The following ST3GAL1 variants were observed in gnomAD, a reference collection of about 807,000 sequenced individuals.
The protein encoded by ST3GAL1 is ST3 beta-galactoside alpha-2,3-sialyltransferase 1, also known as CMP-N-acetylneuraminate-beta-galactosamide-alpha-2,3-sialyltransferase 1.
A neutral mutation model predicts 34.1 loss-of-function variants in ST3GAL1; 16 were observed. That is an observed-to-expected ratio of 0.47 (90% CI 0.32 to 0.71). The LOEUF (loss-of-function observed/expected upper bound fraction) is 0.71, where lower values mean the gene tolerates loss of function less well. Among genes scored for constraint, ST3GAL1 ranks in the 30% least tolerant of loss-of-function variants. The probability of loss-of-function intolerance (pLI) is 0.04; values close to 1 mark genes in which losing one functional copy is unlikely to be tolerated. For synonymous variants in ST3GAL1, 191 were observed against 184.7 expected (o/e 1.03, Z -0.28); for missense variants, 353 against 447.4 (o/e 0.79, Z 1.90).
At chr8:133,498,485 G>C (rs1430481703) in intron 3 of ST3GAL1, among the ~76,000 whole-genome samples, 2 of 152,070 alleles carry the variant, frequency 1.3e-5, no homozygotes, top group African/African-American at 4.8e-5. Flanking sequence ...CCTCAGATCT[G>C]TCAACCTCGT....
rs574174406 is a variant in ST3GAL1 at position 133,537,737 on chromosome 8, C to T, written c.-429+8037G>A. 2.6e-5 allele frequency among the ~76,000 whole-genome samples: 4 copies of T among 152,264 alleles called. No individual in the cohort carries two copies. The South Asian group carries it at 8.3e-4, about 32-fold the overall frequency. On this transcript the variant is annotated intron_variant, in intron 2 of 9. Coordinates refer to ENST00000522652, the MANE Select transcript of ST3GAL1 (RefSeq NM_173344.3). ...GCCCCACTGAATCAAGAAAACAAGG[C>T]CCTGCATGAATGAAGGTCACGAGGC...
intron 3 of ST3GAL1, among the ~76,000 whole-genome samples, chr8:133,484,988 T>C (rs1014632146): frequency 1.3e-5 from 2 of 152,244 alleles, no homozygotes; most frequent in Non-Finnish European, 2.9e-5. Context: ...CGAATAAGGC[T>C]AGAAGCTAGA....
At position 133,461,833 on chromosome 8, in the gene ST3GAL1, G is replaced by A. The variant is rs1273610639; in HGVS notation, c.849+42C>T. Reference sequence around the variant, plus strand: ...GCCTCTCTTGGGAACACAGGACGGTGAGCTTCGAGGCAGCCCTGTGGGCAG... The same window carrying A: ...GCCTCTCTTGGGAACACAGGACGGTAAGCTTCGAGGCAGCCCTGTGGGCAG... On this transcript the variant is annotated intron_variant, in intron 9 of 9. Transcript: ENST00000522652. The surrounding 1 kb of genome is among the most constrained non-coding windows in gnomAD (Gnocchi z 4.7). The A allele has an allele frequency of 3.7e-6, 6 of 1,612,316 alleles. No homozygotes were observed. Among genetic ancestry groups the A allele is most frequent in the Non-Finnish European group, 5.1e-6 (6 of 1,178,946 alleles).
chr8:133,499,780 AC>A (rs1231417646), intron 2 of ST3GAL1, among the ~76,000 whole-genome samples: 2 of 152,192 alleles, frequency 1.3e-5, no homozygotes, highest in Non-Finnish European at 2.9e-5. Flanking sequence ...AGCTCGGCGT[AC>A]TAAGGGGAGC....
intron 3 of ST3GAL1, among the ~76,000 whole-genome samples, chr8:133,491,725 C>A (rs1432506239): frequency 6.6e-6 from 1 of 152,188 alleles, no homozygotes; most frequent in African/African-American, 2.4e-5. Context: ...ATGCAGCACC[C>A]TCCAGGGTTC....
At chr8:133,564,379 T>TGGAAAC (rs1819330001) in intron 1 of ST3GAL1, among the ~76,000 whole-genome samples, 1 of 152,226 alleles carries the variant, frequency 6.6e-6, no homozygotes, top group Non-Finnish European at 1.5e-5. Flanking sequence ...CCTCCTCTGC[T>TGGAAAC]CAGCTCACTG....
intron 2 of ST3GAL1, 38 bp from the exon 3 acceptor site, chr8:133,499,227 G>A (rs1287878427): frequency 2.6e-5 from 4 of 152,318 alleles, no homozygotes; most frequent in African/African-American, 9.7e-5. Flanking sequence ...GACTTAGCAT[G>A]GGGAGAGGGC....
At chr8:133,561,707 C>G (rs1259598614) in intron 1 of ST3GAL1, among the ~76,000 whole-genome samples, 1 of 152,096 alleles carries the variant, frequency 6.6e-6, no homozygotes, top group African/African-American at 2.4e-5. Flanking sequence ...GAGGTGGAGG[C>G]AGTAAGGTAC....
At chr8:133,537,696 C>T (rs1031756532) in intron 2 of ST3GAL1, among the ~76,000 whole-genome samples, 1 of 152,168 alleles carries the variant, frequency 6.6e-6, no homozygotes, top group Admixed American at 6.5e-5. Flanking sequence ...TCCATCTCCC[C>T]TGGGGGCCGG....
At position 133,464,881 on chromosome 8, in the gene ST3GAL1, T is replaced by C; in HGVS notation, c.580A>G (p.Ser194Gly). 1.9e-6 allele frequency: 3 copies of C among 1,614,088 alleles called. No individual in the cohort carries two copies. The highest frequency in any genetic ancestry group is 2.5e-6 in the Non-Finnish European group (3 of 1,180,002). Residue 194 changes from serine to glycine, a missense_variant, in exon 7 of 10, where the codon AGC becomes GGC. Transcript: ENST00000522652. ...KTTHHLVYPE[S>G]FRELGDNVSM... Reference sequence around the variant, plus strand: ...ACATTATCTCCCAGCTCCCGGAAGCTCTCAGGGTACACCAGATGGTGGGTG... The same window carrying C: ...ACATTATCTCCCAGCTCCCGGAAGCCCTCAGGGTACACCAGATGGTGGGTG...
chr8:133,479,038 A>G (rs1033260415), intron 3 of ST3GAL1, among the ~76,000 whole-genome samples: 3 of 152,198 alleles, frequency 2.0e-5, no homozygotes, highest in Non-Finnish European at 2.9e-5. Context: ...TCACTGCGTG[A>G]CCATGAACAA....
chr8:133,529,442 T>C (rs1333849884), intron 2 of ST3GAL1, among the ~76,000 whole-genome samples: 1 of 151,812 alleles, frequency 6.6e-6, no homozygotes, highest in African/African-American at 2.4e-5. Flanking sequence ...GGATGGAAAA[T>C]TGAGAGGCCC....
intron 2 of ST3GAL1, among the ~76,000 whole-genome samples, chr8:133,502,987 A>T (rs1817230608): frequency 6.6e-6 from 1 of 152,150 alleles, no homozygotes; most frequent in Admixed American, 6.5e-5. Flanking sequence ...GAAAGCTGAA[A>T]TCTGACTAAG....
chr8:133,459,177 G>A lies in ST3GAL1; in HGVS notation c.*587C>T, dbSNP rs1815405045. 1 of 152,250 alleles carries A rather than the reference G, an allele frequency of 6.6e-6. No homozygotes were observed. Among genetic ancestry groups the A allele is most frequent in the Non-Finnish European group, 1.5e-5 (1 of 68,132 alleles). The allele number at this position is 152,250 out of a possible 1,614,324, so 9.4% of individuals were successfully genotyped here. A position where few individuals can be genotyped will look rare whatever the true frequency, so the allele number is the denominator to read the frequency against. On this transcript the variant is annotated 3_prime_UTR_variant, in exon 10 of 10. Transcript: ENST00000522652. The surrounding 1 kb of genome is among the most constrained non-coding windows in gnomAD (Gnocchi z 4.7). ...CCCAAAGTGTTCAGATTACAGGTGTGAGCCACGGCACCTGGCCTCAAGTTT... is the reference window on the plus strand; with the variant it reads ...CCCAAAGTGTTCAGATTACAGGTGTAAGCCACGGCACCTGGCCTCAAGTTT...
chr8:133,501,108 G>A (rs950201410), intron 2 of ST3GAL1, among the ~76,000 whole-genome samples: 25 of 152,148 alleles, frequency 1.6e-4, no homozygotes, highest in Admixed American at 1.0e-3. Flanking sequence ...CTCAGACATC[G>A]TTCTTTCTAA....
intron 1 of ST3GAL1, among the ~76,000 whole-genome samples, chr8:133,551,696 G>A (rs893648511): frequency 6.6e-6 from 1 of 152,162 alleles, no homozygotes; most frequent in African/African-American, 2.4e-5. Flanking sequence ...ACTTTGCAGG[G>A]CTCTGATAAG....
chr8:133,561,520 A>G (rs1486800275), intron 1 of ST3GAL1, among the ~76,000 whole-genome samples: 3 of 151,994 alleles, frequency 2.0e-5, no homozygotes, highest in South Asian at 2.1e-4. Context: ...CCTATTTCAC[A>G]TGAACTGTAA....
chr8:133,494,191 T>C (rs1324730534), intron 3 of ST3GAL1, among the ~76,000 whole-genome samples: 2 of 152,168 alleles, frequency 1.3e-5, no homozygotes, highest in Admixed American at 1.3e-4. Flanking sequence ...CCCCACAATA[T>C]GCCTGGGAAG....
At chr8:133,525,925 G>A (rs1373842624) in intron 2 of ST3GAL1, among the ~76,000 whole-genome samples, 2 of 152,202 alleles carry the variant, frequency 1.3e-5, no homozygotes, top group Admixed American at 1.3e-4. Context: ...GTCCAGAGCT[G>A]TGGCTAGGTA....
Sources: allele counts gnomAD v4.1 joint callset (sites outside exome capture counted in the v4.1 genomes callset), GRCh38; gene constraint gnomAD v4.1.1; non-coding constraint Gnocchi (gnomAD v3.1); transcripts MANE v1.5; gene names NCBI Gene and HGNC (gene_info 2026-07-23, HGNC 2026-07-21).